The following KCTD8 variants were observed in gnomAD, a reference collection of about 807,000 sequenced individuals.
KCTD8 encodes the protein potassium channel tetramerization domain containing 8.
A neutral mutation model predicts 31.5 loss-of-function variants in KCTD8; 27 were observed. The ratio of observed to expected loss-of-function variants is 0.86; its 90% CI spans 0.63 to 1.18. KCTD8 has a LOEUF of 1.18. KCTD8 is among the 50% of genes most tolerant of loss of function. The pLI is 0.00. For missense variants in KCTD8, 658 were observed against 647.7 expected, an observed-to-expected ratio of 1.02 and a Z score of -0.17; for synonymous variants, 290 against 280.0, an observed-to-expected ratio of 1.04 and a Z score of -0.36.
intron 1 of KCTD8, among the ~76,000 whole-genome samples, chr4:44,259,828 G>C (rs570480320): frequency 6.6e-6 from 1 of 151,838 alleles, no homozygotes; most frequent in Non-Finnish European, 1.5e-5. Flanking sequence ...TTATGCATCT[G>C]TTATTTGAGG....
At chr4:44,201,180 C>A (rs902671309) in intron 1 of KCTD8, among the ~76,000 whole-genome samples, 7 of 151,828 alleles carry the variant, frequency 4.6e-5, no homozygotes, top group Non-Finnish European at 7.4e-5. Flanking sequence ...AATGGATAAA[C>A]CTTCCATGCT....
At chr4:44,340,648 G>A (rs1310542549) in intron 1 of KCTD8, among the ~76,000 whole-genome samples, 1 of 151,936 alleles carries the variant, frequency 6.6e-6, no homozygotes, top group Non-Finnish European at 1.5e-5. Flanking sequence ...TAAACAAATT[G>A]TGACGTATTT....
At chr4:44,202,244 C>G (rs1665386361) in intron 1 of KCTD8, among the ~76,000 whole-genome samples, 1 of 152,028 alleles carries the variant, frequency 6.6e-6, no homozygotes, top group Non-Finnish European at 1.5e-5. Context: ...ATCTCTCAAA[C>G]TACTTAAAAC....
chr4:44,206,392 A>G (rs1050777097), intron 1 of KCTD8, among the ~76,000 whole-genome samples: 6 of 152,196 alleles, frequency 3.9e-5, no homozygotes, highest in African/African-American at 1.4e-4. Context: ...CTTGACTCCA[A>G]CAGCCCCAGC....
chr4:44,311,473 G>A (rs1717949606), intron 1 of KCTD8, among the ~76,000 whole-genome samples: 1 of 151,858 alleles, frequency 6.6e-6, no homozygotes, highest in Non-Finnish European at 1.5e-5. Context: ...AAAAAATATT[G>A]TCCACCTTAT....
chr4:44,276,148 G>A (rs1461775905), intron 1 of KCTD8, among the ~76,000 whole-genome samples: 1 of 151,864 alleles, frequency 6.6e-6, no homozygotes, highest in East Asian at 1.9e-4. Context: ...AAAACAGTAA[G>A]AAAACCATAT....
At chr4:44,358,395 C>A (rs1719402136) in intron 1 of KCTD8, among the ~76,000 whole-genome samples, 1 of 152,034 alleles carries the variant, frequency 6.6e-6, no homozygotes, top group South Asian at 2.1e-4. Context: ...GATTTATAAT[C>A]CTTTGGGTAT....
At chr4:44,307,054 A>C (rs1289227798) in intron 1 of KCTD8, among the ~76,000 whole-genome samples, 2 of 151,966 alleles carry the variant, frequency 1.3e-5, no homozygotes, top group Non-Finnish European at 2.9e-5. Flanking sequence ...AAGCGGCCAT[A>C]AACAAAATCA....
intron 1 of KCTD8, among the ~76,000 whole-genome samples, chr4:44,280,717 A>G (rs1272021341): frequency 1.3e-5 from 2 of 152,170 alleles, no homozygotes; most frequent in South Asian, 2.1e-4. Flanking sequence ...TCTCTGTACC[A>G]TATACACTCT....
At chr4:44,188,012 CAAAA>C (rs760998181) in intron 1 of KCTD8, among the ~76,000 whole-genome samples, 2 of 145,356 alleles carry the variant, frequency 1.4e-5, no homozygotes, top group South Asian at 4.4e-4. Context: ...CATGCACACA[CAAAA>C]AAAAAACAGT....
intron 1 of KCTD8, among the ~76,000 whole-genome samples, chr4:44,179,561 C>A (rs999239865): frequency 6.7e-5 from 10 of 149,362 alleles, no homozygotes; most frequent in Non-Finnish European, 1.5e-4. Context: ...TTTGCTAATC[C>A]TATTTAATAC....
intron 1 of KCTD8, among the ~76,000 whole-genome samples, chr4:44,176,489 A>G (rs1233856152): frequency 2.0e-5 from 3 of 152,212 alleles, no homozygotes; most frequent in African/African-American, 7.2e-5. Flanking sequence ...ATGAATTAAT[A>G]GCCAACATGG....
intron 1 of KCTD8, among the ~76,000 whole-genome samples, chr4:44,351,213 C>T (rs190820747): frequency 2.0e-4 from 31 of 152,124 alleles, no homozygotes; most frequent in South Asian, 4.1e-4. Context: ...AAAACATGAA[C>T]TTTGTCTTAC....
intron 1 of KCTD8, among the ~76,000 whole-genome samples, chr4:44,444,807 G>GA (rs200870272): frequency 0.013 from 1,859 of 142,196 alleles, 43 homozygotes; most frequent in African/African-American, 0.044. Context: ...GGTTGGGGGG[G>GA]AATAACATTG....
intron 1 of KCTD8, among the ~76,000 whole-genome samples, chr4:44,298,229 G>GAT (rs1156855925): frequency 2.6e-5 from 4 of 152,056 alleles, no homozygotes; most frequent in Admixed American, 2.0e-4. Flanking sequence ...AAACTTCCCA[G>GAT]ACATACTGAG....
intron 1 of KCTD8, among the ~76,000 whole-genome samples, chr4:44,437,272 T>C (rs1182825130): frequency 2.6e-5 from 4 of 152,120 alleles, no homozygotes; most frequent in Non-Finnish European, 4.4e-5. Context: ...CTTATGTATC[T>C]ATTAGGCATG....
At chr4:44,181,096 G>C (rs1268180789) in intron 1 of KCTD8, among the ~76,000 whole-genome samples, 1 of 151,626 alleles carries the variant, frequency 6.6e-6, no homozygotes, top group African/African-American at 2.4e-5. Context: ...ACTTAAGGCC[G>C]CATAGTGCAG....
chr4:44,307,716 T>C (rs1479932311), intron 1 of KCTD8, among the ~76,000 whole-genome samples: 3 of 152,050 alleles, frequency 2.0e-5, no homozygotes, highest in Non-Finnish European at 4.4e-5. Context: ...AAGCTGCATA[T>C]TAGCCTATGG....
In KCTD8 at chr4:44,278,844, C is replaced by T. The variant is rs1457781697; in HGVS notation, c.962-103594G>A. Among the ~76,000 whole-genome samples the T allele has an allele frequency of 2.0e-5, 3 of 151,968 alleles. No individual in the cohort carries two copies. The East Asian group carries it at 5.8e-4, about 29-fold the overall frequency. ...TCTCAGATATGGAGAGAACAGACTC[C>T]ACTGGCAACAAAAACCTTCTGCATG... On this transcript the variant is annotated intron_variant, in intron 1 of 1. Coordinates refer to ENST00000360029, the MANE Select transcript of KCTD8 (RefSeq NM_198353.3).
Sources: allele counts gnomAD v4.1 joint callset (sites outside exome capture counted in the v4.1 genomes callset), GRCh38; gene constraint gnomAD v4.1.1; transcripts MANE v1.5; gene names NCBI Gene and HGNC (gene_info 2026-07-23, HGNC 2026-07-21).